RPH3A: variants seen among roughly 807,000 people sequenced by gnomAD.
RPH3A encodes the protein rabphilin 3A.
Under a neutral mutation model 102.2 loss-of-function variants are expected in RPH3A, and 48 were observed. That is an observed-to-expected ratio of 0.47 (90% CI 0.37 to 0.60). The LOEUF (loss-of-function observed/expected upper bound fraction) is 0.60, where lower values mean the gene tolerates loss of function less well. Ranked by LOEUF, RPH3A falls within the 20% of genes least tolerant of loss-of-function variation. RPH3A has a pLI of 0.00. For missense variants in RPH3A, 781 were observed against 910.1 expected, an observed-to-expected ratio of 0.86 and a Z score of 1.83; for synonymous variants, 310 against 324.3, an observed-to-expected ratio of 0.96 and a Z score of 0.47.
intron 1 of RPH3A, among the ~76,000 whole-genome samples, chr12:112,641,091 A>C (rs1450902120): frequency 6.6e-6 from 1 of 152,214 alleles, no homozygotes; most frequent in African/African-American, 2.4e-5. Flanking sequence ...TGTGGCCATA[A>C]ATCTCCTAAT....
At chr12:112,677,897 A>T (rs1355793288) in intron 1 of RPH3A, among the ~76,000 whole-genome samples, 1 of 152,054 alleles carries the variant, frequency 6.6e-6, no homozygotes, top group Non-Finnish European at 1.5e-5. Flanking sequence ...AGAGATTAGA[A>T]ATACAAGGGC....
chr12:112,847,667 C>G, intron 4 of RPH3A, 29 bp from the exon 5 acceptor site: 1 of 1,610,728 alleles, frequency 6.2e-7, no homozygotes, highest in East Asian at 2.2e-5. Flanking sequence ...TTTCTGCCCA[C>G]CCTCACACCT....
At chr12:112,695,773 T>C (rs1316049910) in intron 1 of RPH3A, among the ~76,000 whole-genome samples, 1 of 152,264 alleles carries the variant, frequency 6.6e-6, no homozygotes, top group Non-Finnish European at 1.5e-5. Context: ...CAGGTAGTAC[T>C]TCTCACGTGT....
intron 16 of RPH3A, among the ~76,000 whole-genome samples, chr12:112,883,785 A>G (rs2042963727): frequency 6.6e-6 from 1 of 152,216 alleles, no homozygotes; most frequent in African/African-American, 2.4e-5. Flanking sequence ...GCCATTTCAC[A>G]TTCTTCTACA....
intron 1 of RPH3A, among the ~76,000 whole-genome samples, chr12:112,777,492 C>T (rs2040976071): frequency 6.6e-6 from 1 of 152,206 alleles, no homozygotes; most frequent in Non-Finnish European, 1.5e-5. Flanking sequence ...GCTGTCAAGG[C>T]AGCAAGGCAG....
intron 1 of RPH3A, among the ~76,000 whole-genome samples, chr12:112,586,247 GAATAA>G (rs2039438616): frequency 6.6e-6 from 1 of 152,130 alleles, no homozygotes; most frequent in Non-Finnish European, 1.5e-5. Context: ...ACAAAGTAAT[GAATAA>G]AATAAACCAA....
chr12:112,773,692 C>T (rs2040943615), intron 1 of RPH3A, among the ~76,000 whole-genome samples: 1 of 151,656 alleles, frequency 6.6e-6, no homozygotes, highest in Admixed American at 6.6e-5. Flanking sequence ...TCATTGCCTA[C>T]CTCACCAATG....
intron 5 of RPH3A, among the ~76,000 whole-genome samples, chr12:112,853,877 G>A (rs1381601214): frequency 6.6e-6 from 1 of 151,620 alleles, no homozygotes; most frequent in Admixed American, 6.6e-5. Context: ...TAATTAGCTC[G>A]ATGCCTGCCA....
In RPH3A at chr12:112,729,491, A is replaced by G. The variant is rs529522064; in HGVS notation, c.-139-62652A>G. 1.3e-3 allele frequency among the ~76,000 whole-genome samples: 198 copies of G among 151,840 alleles called. 11 individuals are homozygous for G. In the South Asian group the frequency reaches 0.04, roughly 31 times the overall value. ...ATGAGCCGCTGCACTCGGCATACAA[A>G]GGGAATTTTTTTTTTTATCGCAGGT... On this transcript the variant is annotated intron_variant, in intron 1 of 21. Transcript: ENST00000543106.
intron 1 of RPH3A, among the ~76,000 whole-genome samples, chr12:112,692,839 G>A (rs1201766002): frequency 6.6e-6 from 1 of 152,186 alleles, no homozygotes; most frequent in Non-Finnish European, 1.5e-5. Context: ...TTTAGTGATT[G>A]AGTGCCTCTT....
chr12:112,726,024 T>C (rs1031582408), intron 1 of RPH3A, among the ~76,000 whole-genome samples: 4 of 151,982 alleles, frequency 2.6e-5, no homozygotes, highest in Non-Finnish European at 5.9e-5. Flanking sequence ...CTCGATCTCC[T>C]GACCTCGTGA....
Position 112,878,697 on chromosome 12 carries a change from G to A in RPH3A, c.1172-422G>A, listed in dbSNP as rs575345823. Among the ~76,000 whole-genome samples the A allele has an allele frequency of 5.9e-5, 9 of 152,334 alleles. No individual in the cohort carries two copies. The East Asian group carries it at 1.4e-3, about 23-fold the overall frequency. On this transcript the variant is annotated intron_variant, in intron 13 of 21. Coordinates refer to ENST00000389385, the MANE Select transcript of RPH3A (RefSeq NM_001143854.2). ...AAGCTGAGATATGGATAACGAGAAG[G>A]TGCCAACCATGTAAGGATCTAGAGG...
chr12:112,770,008 T>C, intron 1 of RPH3A, among the ~76,000 whole-genome samples: 1 of 152,248 alleles, frequency 6.6e-6, no homozygotes, highest in South Asian at 2.1e-4. Context: ...GTACAGATAC[T>C]ATCAGATTGT....
intron 5 of RPH3A, among the ~76,000 whole-genome samples, chr12:112,860,192 T>C (rs1033646116): frequency 6.6e-6 from 1 of 152,212 alleles, no homozygotes; most frequent in African/African-American, 2.4e-5. Flanking sequence ...GTCTTCCATG[T>C]TGTGGCTCCA....
At chr12:112,817,807 A>G (rs1188295693) in intron 2 of RPH3A, among the ~76,000 whole-genome samples, 1 of 152,108 alleles carries the variant, frequency 6.6e-6, no homozygotes, top group Non-Finnish European at 1.5e-5. Context: ...AGGAGCTTGG[A>G]TGGCAGTGCC....
Position 112,847,635 on chromosome 12 carries a change from C to G in RPH3A, c.84-61C>G, listed in dbSNP as rs565779902. On this transcript the variant is annotated intron_variant, in intron 4 of 21. Coordinates refer to ENST00000389385, the MANE Select transcript of RPH3A (RefSeq NM_001143854.2). ...ACAGTTTCCCAGACAGTGAGTTTCCCGGCAGGAATTTGAACTACTATTTTC... is the reference window on the plus strand; with the variant it reads ...ACAGTTTCCCAGACAGTGAGTTTCCGGGCAGGAATTTGAACTACTATTTTC... 183 of 1,556,848 alleles carry G rather than the reference C, an allele frequency of 1.2e-4. 1 individual carries two copies. The South Asian group carries it at 1.7e-3, about 15-fold the overall frequency.
At chr12:112,884,235 T>A (rs1341342406) in intron 16 of RPH3A, among the ~76,000 whole-genome samples, 2 of 152,188 alleles carry the variant, frequency 1.3e-5, no homozygotes, top group Non-Finnish European at 2.9e-5. Flanking sequence ...CGATACTTGA[T>A]CTGTTAAAAA....
intron 1 of RPH3A, among the ~76,000 whole-genome samples, chr12:112,637,207 T>C (rs770211642): frequency 1.1e-4 from 17 of 152,196 alleles, no homozygotes; most frequent in Non-Finnish European, 2.5e-4. Context: ...AACATATTTC[T>C]CCTTTCTGAT....
chr12:112,607,243 G>A (rs2039603648), intron 1 of RPH3A, among the ~76,000 whole-genome samples: 1 of 152,062 alleles, frequency 6.6e-6, no homozygotes, highest in Admixed American at 6.6e-5. Context: ...GTTCCTTCTG[G>A]CTTGAACAAT....
Sources: gnomAD v4.1 joint callset for allele counts (sites outside exome capture counted in the v4.1 genomes callset) on GRCh38, gnomAD v4.1.1 for gene constraint, MANE v1.5 for transcripts, NCBI Gene and HGNC (gene_info 2026-07-23, HGNC 2026-07-21) for gene names.